ANK1: variants seen among roughly 807,000 people sequenced by gnomAD.
ANK1 encodes the protein ankyrin 1, also known as ankyrin-1.
In ANK1, 51 loss-of-function variants were observed where a neutral mutation model predicts 210.4. The observed-to-expected ratio is 0.24, with a 90% CI of 0.19 to 0.31. ANK1 has a LOEUF of 0.31. ANK1 is among the 10% of genes least tolerant of loss of function. The probability of loss-of-function intolerance (pLI) is 1.00; values close to 1 mark genes in which losing one functional copy is unlikely to be tolerated. For missense variants in ANK1, 2,051 were observed against 2,504.4 expected, an observed-to-expected ratio of 0.82 and a Z score of 3.86; for synonymous variants, 967 against 1,025.9, an observed-to-expected ratio of 0.94 and a Z score of 1.10.
chr8:41,693,755 T>G, intron 29 of ANK1, 143 bp downstream of exon 29: 1 of 937,784 alleles, frequency 1.1e-6, no homozygotes, highest in Non-Finnish European at 1.6e-6. Context: ...CATCCTTCCA[T>G]CTCTTGGAAG....
At position 41,702,765 on chromosome 8, in the gene ANK1, C is replaced by G. The variant is rs560325764; in HGVS notation, c.2296-621G>C. 3.3e-5 allele frequency among the ~76,000 whole-genome samples: 5 copies of G among 152,332 alleles called. No homozygotes were observed. The South Asian group carries it at 1.0e-3, about 32-fold the overall frequency. On this transcript the variant is annotated intron_variant, in intron 20 of 42. Coordinates refer to ENST00000289734, the MANE Select transcript of ANK1 (RefSeq NM_000037.4). ...TCTAGGATGTGCCTTGGGCTCCGTTCAGATTCAAGCCCAGCTGCAGTTGCA... is the reference window on the plus strand; with the variant it reads ...TCTAGGATGTGCCTTGGGCTCCGTTGAGATTCAAGCCCAGCTGCAGTTGCA...
chr8:41,773,524 C>A (rs1843379166), intron 1 of ANK1, among the ~76,000 whole-genome samples: 1 of 152,168 alleles, frequency 6.6e-6, no homozygotes, highest in Non-Finnish European at 1.5e-5. Flanking sequence ...GGGTTACAGG[C>A]CCACTCTTTG....
At chr8:41,725,980 C>G (rs758692237) in intron 5 of ANK1, 34 bp from the exon 6 acceptor site, 8 of 1,604,482 alleles carry the variant, frequency 5.0e-6, no homozygotes, top group South Asian at 2.2e-5. Context: ...TGCTCTGACT[C>G]GTCTGACGCC....
At chr8:41,699,640 G>T (rs1822135423) in intron 22 of ANK1, 92 bp from the exon 23 acceptor site, 2 of 1,236,578 alleles carry the variant, frequency 1.6e-6, no homozygotes, top group South Asian at 2.4e-5. Context: ...CGCCTCTGGG[G>T]GCTTGCTCCT....
chr8:41,726,032 A>G, intron 5 of ANK1, 86 bp from the exon 6 acceptor site: 1 of 1,481,050 alleles, frequency 6.8e-7, no homozygotes, highest in Admixed American at 1.9e-5. Context: ...CCTCGGGCTT[A>G]TGCTCCCAGC....
At chr8:41,763,683 C>T (rs1840979950) in intron 1 of ANK1, among the ~76,000 whole-genome samples, 1 of 151,998 alleles carries the variant, frequency 6.6e-6, no homozygotes, top group Non-Finnish European at 1.5e-5. Flanking sequence ...CTAGGAGGTC[C>T]CACTCAGGCT....
At chr8:41,667,995 G>A (rs760438700) in intron 39 of ANK1, among the ~76,000 whole-genome samples, 4 of 152,204 alleles carry the variant, frequency 2.6e-5, no homozygotes. Context: ...ACCCAGCTTA[G>A]AGCCCACTTC....
intron 1 of ANK1, among the ~76,000 whole-genome samples, chr8:41,847,713 G>A (rs917848011): frequency 7.2e-5 from 11 of 152,138 alleles, no homozygotes; most frequent in African/African-American, 2.7e-4. Flanking sequence ...ACATTACAGA[G>A]CGGCATTCTT....
At position 41,661,574 on chromosome 8, in the gene ANK1, G is replaced by C; in HGVS notation, c.5545-10C>G. Reference sequence around the variant, plus strand: ...TCCCTCTCAGCTCCACCTGCAGACAGCAGCAGAGACAGAAAGCAGGACAGA... The same window carrying C: ...TCCCTCTCAGCTCCACCTGCAGACACCAGCAGAGACAGAAAGCAGGACAGA... On this transcript the variant is annotated splice_polypyrimidine_tract_variant and intron_variant, in intron 41 of 42. Coordinates refer to ENST00000289734, the MANE Select transcript of ANK1 (RefSeq NM_000037.4). 1.2e-6 allele frequency: 2 copies of C among 1,613,730 alleles called. No homozygotes were observed. The highest frequency in any genetic ancestry group is 1.7e-6 in the Non-Finnish European group (2 of 1,180,044).
intron 1 of ANK1, among the ~76,000 whole-genome samples, chr8:41,881,296 C>T (rs11984649): frequency 0.16 from 23,851 of 152,184 alleles, 1,982 homozygotes; most frequent in South Asian, 0.26. Context: ...CAGCCACTTC[C>T]GAGAGGCAGA....
intron 1 of ANK1, among the ~76,000 whole-genome samples, chr8:41,893,958 G>A (rs1819948996): frequency 6.6e-6 from 1 of 152,086 alleles, no homozygotes. Flanking sequence ...CCCCTTGTAA[G>A]CTTTCTTCAA....
chr8:41,715,583 C>T, intron 14 of ANK1, 69 bp downstream of exon 14: 3 of 1,576,950 alleles, frequency 1.9e-6, no homozygotes, highest in South Asian at 2.2e-5. Flanking sequence ...GGCAGGAATT[C>T]CCCTCCGAGC....
At chr8:41,858,507 T>G (rs180746696) in intron 1 of ANK1, among the ~76,000 whole-genome samples, 1 of 151,812 alleles carries the variant, frequency 6.6e-6, no homozygotes, top group East Asian at 1.9e-4. Context: ...ACTGGAGAAA[T>G]GAACAGAAAC....
chr8:41,657,711 C>T (rs1388332915), intron 42 of ANK1, among the ~76,000 whole-genome samples: 2 of 152,176 alleles, frequency 1.3e-5, no homozygotes, highest in African/African-American at 4.8e-5. Context: ...GCTGGCATGA[C>T]TGCCCATTTC....
intron 40 of ANK1, 51 bp downstream of exon 40, chr8:41,663,608 T>G: frequency 6.4e-7 from 1 of 1,562,862 alleles, no homozygotes; most frequent in Non-Finnish European, 8.8e-7. Flanking sequence ...ACCTTTTAGC[T>G]TCTAGCCCAC....
chr8:41,739,438 C>T (rs1475045002), intron 2 of ANK1, among the ~76,000 whole-genome samples: 2 of 151,880 alleles, frequency 1.3e-5, no homozygotes, highest in South Asian at 2.1e-4. Context: ...CTAATACTTC[C>T]AACATCCAAC....
intron 1 of ANK1, among the ~76,000 whole-genome samples, chr8:41,784,844 T>G (rs895674653): frequency 6.6e-6 from 1 of 152,192 alleles, no homozygotes; most frequent in African/African-American, 2.4e-5. Flanking sequence ...TGGAACAAAT[T>G]ATGTTCCTTC....
At chr8:41,665,298 A>G (rs1810114731) in intron 39 of ANK1, 2 of 1,445,172 alleles carry the variant, frequency 1.4e-6, no homozygotes, top group East Asian at 6.0e-5. Context: ...TCACGCTCCT[A>G]TAATTTTACC....
At chr8:41,678,245 T>C (rs1814850102) in intron 37 of ANK1, among the ~76,000 whole-genome samples, 1 of 152,172 alleles carries the variant, frequency 6.6e-6, no homozygotes, top group African/African-American at 2.4e-5. Context: ...TTCAAGCGAT[T>C]CTCCTGCCTC....
Sources: allele counts gnomAD v4.1 joint callset (sites outside exome capture counted in the v4.1 genomes callset), GRCh38; gene constraint gnomAD v4.1.1; transcripts MANE v1.5; gene names NCBI Gene and HGNC (gene_info 2026-07-23, HGNC 2026-07-21).